The following ZFYVE28 variants were observed in gnomAD, a reference collection of about 807,000 sequenced individuals.
The protein encoded by ZFYVE28 is zinc finger FYVE-type containing 28.
Under a neutral mutation model 82.1 loss-of-function variants are expected in ZFYVE28, and 40 were observed. The observed-to-expected ratio is 0.49, with a 90% CI of 0.38 to 0.63. ZFYVE28 has a LOEUF of 0.63. Ranked by LOEUF, ZFYVE28 falls within the 30% of genes least tolerant of loss-of-function variation. The pLI is 0.00. For synonymous variants in ZFYVE28, 612 were observed against 546.1 expected (o/e 1.12, Z -1.68); for missense variants, 1,321 against 1,242.1 (o/e 1.06, Z -0.96).
intron 8 of ZFYVE28, among the ~76,000 whole-genome samples, chr4:2,294,661 C>A (rs1410407575): frequency 2.0e-5 from 3 of 152,050 alleles, no homozygotes; most frequent in African/African-American, 7.2e-5. Context: ...AAAGACAAGA[C>A]AAGATTGGGA....
chr4:2,350,034 G>GACAGACAC (rs141048643), intron 2 of ZFYVE28, among the ~76,000 whole-genome samples: 2 of 148,732 alleles, frequency 1.3e-5, no homozygotes, highest in Non-Finnish European at 3.0e-5. Flanking sequence ...GTGACACACA[G>GACAGACAC]ACACACACAC....
Position 2,372,807 on chromosome 4 carries a change from A to G in ZFYVE28, c.40-18734T>C, listed in dbSNP as rs540012946. On this transcript the variant is annotated intron_variant, in intron 1 of 12. Transcript: ENST00000290974. The surrounding 1 kb of genome is among the most constrained non-coding windows in gnomAD (Gnocchi z 5.2). ...GGACCAAGGATGCTGCACACCCCTA[A>G]GACCTAGCCTCCCCGAGGCCTCTCC... Among the ~76,000 whole-genome samples, 24 of 152,210 alleles carry G rather than the reference A, an allele frequency of 1.6e-4. No individual in the cohort carries two copies. The highest frequency in any genetic ancestry group is 3.1e-4 in the Non-Finnish European group (21 of 67,978).
At chr4:2,358,423 TAGGGAACCCTTC>T (rs1725653256) in intron 1 of ZFYVE28, among the ~76,000 whole-genome samples, 1 of 151,856 alleles carries the variant, frequency 6.6e-6, no homozygotes, top group African/African-American at 2.4e-5. Context: ...GCATGGGAGG[TAGGGAACCCTTC>T]AGGGACGGGC....
intron 1 of ZFYVE28, among the ~76,000 whole-genome samples, chr4:2,381,865 C>T (rs570114715): frequency 1.3e-4 from 20 of 152,246 alleles, no homozygotes; most frequent in Non-Finnish European, 2.5e-4. Flanking sequence ...GCCCCTCCTA[C>T]CACAAGCCCA....
chr4:2,272,939 G>A (rs1021049503), intron 10 of ZFYVE28, among the ~76,000 whole-genome samples: 1 of 152,248 alleles, frequency 6.6e-6, no homozygotes, highest in Non-Finnish European at 1.5e-5. Context: ...TCCTGGGCGG[G>A]CAGCCCATCT....
chr4:2,405,010 G>A (rs542107799), intron 1 of ZFYVE28, among the ~76,000 whole-genome samples: 7 of 152,150 alleles, frequency 4.6e-5, no homozygotes, highest in African/African-American at 1.7e-4. Context: ...GGGATTATAG[G>A]CGTAGGCCAC....
At chr4:2,395,371 A>G (rs932946826) in intron 1 of ZFYVE28, among the ~76,000 whole-genome samples, 3 of 152,270 alleles carry the variant, frequency 2.0e-5, no homozygotes, top group Non-Finnish European at 4.4e-5. Context: ...CGAGCATGCA[A>G]GGTGAAGCCT....
At chr4:2,352,402 T>G (rs1724615500) in intron 2 of ZFYVE28, among the ~76,000 whole-genome samples, 3 of 143,622 alleles carry the variant, frequency 2.1e-5, no homozygotes, top group African/African-American at 5.2e-5. Context: ...GAAGGGGAGA[T>G]AGGAGGAGGG....
intron 6 of ZFYVE28, among the ~76,000 whole-genome samples, chr4:2,333,796 C>T (rs993207127): frequency 3.9e-5 from 6 of 152,206 alleles, no homozygotes; most frequent in Non-Finnish European, 7.3e-5. Context: ...AAGGCCGGCT[C>T]GCAGGATCTT....
intron 8 of ZFYVE28, among the ~76,000 whole-genome samples, chr4:2,279,877 C>T (rs542165433): frequency 2.0e-5 from 3 of 151,804 alleles, no homozygotes; most frequent in Non-Finnish European, 2.9e-5. Flanking sequence ...GAACCGTGGT[C>T]GCAACAGCTG....
chr4:2,303,810 C>T (rs540270155), intron 8 of ZFYVE28, among the ~76,000 whole-genome samples: 53 of 152,360 alleles, frequency 3.5e-4, no homozygotes, highest in East Asian at 3.1e-3. Context: ...CACGGGTCTG[C>T]GTCTCGTTTC....
intron 7 of ZFYVE28, among the ~76,000 whole-genome samples, chr4:2,308,683 G>GAAAGAAAAGAAAAGAAAAGA (rs148489471): frequency 1.7e-4 from 14 of 81,514 alleles, no homozygotes; most frequent in African/African-American, 6.4e-4. Context: ...GAAAGAGAAA[G>GAAAGAAAAGAAAAGAAAAGA]AAAGAAAAGA....
Position 2,366,904 on chromosome 4 carries a change from C to T in ZFYVE28, c.40-12831G>A, listed in dbSNP as rs542619390. On this transcript the variant is annotated intron_variant, in intron 1 of 12. Transcript: ENST00000290974. ...CCCAGGTGATAATGCTGGCCTTGACCGTGGCATTTGTTCTGCAAGCCAAGC... is the reference window on the plus strand; with the variant it reads ...CCCAGGTGATAATGCTGGCCTTGACTGTGGCATTTGTTCTGCAAGCCAAGC... Among the ~76,000 whole-genome samples the T allele has an allele frequency of 4.6e-5, 7 of 152,332 alleles. No individual in the cohort carries two copies. In the East Asian group the frequency reaches 7.7e-4, roughly 17 times the overall value.
chr4:2,315,538 G>A (rs1412938708), intron 7 of ZFYVE28, among the ~76,000 whole-genome samples: 1 of 152,248 alleles, frequency 6.6e-6, no homozygotes, highest in South Asian at 2.1e-4. Flanking sequence ...CTCCCAAAGT[G>A]CTGGGATCAC....
At position 2,372,343 on chromosome 4, in the gene ZFYVE28, C is replaced by A. The variant is rs1727653354; in HGVS notation, c.40-18270G>T. 6.6e-6 allele frequency among the ~76,000 whole-genome samples: 1 copy of A among 152,138 alleles called. No individual in the cohort carries two copies. Among genetic ancestry groups the A allele is most frequent in the African/African-American group, 2.4e-5 (1 of 41,408 alleles). On this transcript the variant is annotated intron_variant, in intron 1 of 12. Coordinates refer to ENST00000290974, the MANE Select transcript of ZFYVE28 (RefSeq NM_020972.3). This position sits in a 1 kb window ranked among gnomAD's most constrained non-coding sequence, Gnocchi z 5.2. ...GCGTGTCTTCACAGCCCTACGCTGC[C>A]TCCCCAGCCCTTCCATCGCCGCCTC... is the stretch of plus-strand genomic sequence containing the variant.
At chr4:2,276,576 C>T (rs61273793) in intron 8 of ZFYVE28, among the ~76,000 whole-genome samples, 7,312 of 152,254 alleles carry the variant, frequency 0.048, 420 homozygotes, top group East Asian at 0.17. Context: ...TTGGCAGAGG[C>T]GTGGATAAAC....
intron 1 of ZFYVE28, among the ~76,000 whole-genome samples, chr4:2,391,141 CCTCT>C (rs1210367913): frequency 2.0e-5 from 3 of 152,368 alleles, no homozygotes; most frequent in East Asian, 1.9e-4. Flanking sequence ...CGCAGCCCTC[CCTCT>C]GTGTTTCCTG....
chr4:2,404,318 A>AAAAAC (rs1731560130), intron 1 of ZFYVE28, among the ~76,000 whole-genome samples: 3 of 62,150 alleles, frequency 4.8e-5, no homozygotes, highest in East Asian at 4.6e-4. Flanking sequence ...TCAAAAAAAA[A>AAAAAC]AAAAAAAAAA....
chr4:2,327,558 T>G lies in ZFYVE28; in HGVS notation c.702-7287A>C, dbSNP rs373044894. Among the ~76,000 whole-genome samples, 3 of 151,486 alleles carry G rather than the reference T, an allele frequency of 2.0e-5. No homozygotes were observed. In the South Asian group the frequency reaches 6.2e-4, roughly 31 times the overall value. On this transcript the variant is annotated intron_variant, in intron 6 of 12. Transcript: ENST00000290974. Reference sequence around the variant, plus strand: ...CCTTTATTGCGTTAAGGCACATTCTTTCTTTTTTTCTGTTTTACATTTTCA... The same window carrying G: ...CCTTTATTGCGTTAAGGCACATTCTGTCTTTTTTTCTGTTTTACATTTTCA...
Sources: gnomAD v4.1 joint callset for allele counts (sites outside exome capture counted in the v4.1 genomes callset) on GRCh38, gnomAD v4.1.1 for gene constraint, Gnocchi (gnomAD v3.1) non-coding constraint, MANE v1.5 for transcripts, NCBI Gene and HGNC (gene_info 2026-07-23, HGNC 2026-07-21) for gene names.